MYO3A: variants seen among roughly 807,000 people sequenced by gnomAD.
The protein encoded by MYO3A is myosin IIIA.
In MYO3A, 180 loss-of-function variants were observed where a neutral mutation model predicts 192.7. The observed-to-expected ratio is 0.93, with a 90% CI of 0.83 to 1.06. MYO3A has a LOEUF of 1.06. Among genes scored for constraint, MYO3A ranks in the 50% least tolerant of loss-of-function variants. The probability of loss-of-function intolerance (pLI) is 0.00; values close to 1 mark genes in which losing one functional copy is unlikely to be tolerated. For synonymous variants in MYO3A, 628 were observed against 645.3 expected, an observed-to-expected ratio of 0.97 and a Z score of 0.41; for missense variants, 1,896 against 1,905.0, an observed-to-expected ratio of 1.00 and a Z score of 0.09.
chr10:25,993,861 C>A (rs1840232808), intron 4 of MYO3A, among the ~76,000 whole-genome samples: 1 of 152,166 alleles, frequency 6.6e-6, no homozygotes, highest in African/African-American at 2.4e-5. Flanking sequence ...AGTATGGTTG[C>A]ACTGTGGTCT....
At chr10:26,000,002 T>C (rs1436010234) in intron 6 of MYO3A, among the ~76,000 whole-genome samples, 4 of 152,190 alleles carry the variant, frequency 2.6e-5, no homozygotes, top group Non-Finnish European at 5.9e-5. Flanking sequence ...CTGAACTCCC[T>C]GCATCCTAAT....
At chr10:26,162,186 T>A (rs554010186) in intron 26 of MYO3A, among the ~76,000 whole-genome samples, 13 of 152,292 alleles carry the variant, frequency 8.5e-5, no homozygotes, top group African/African-American at 2.9e-4. Context: ...GCTCAAGTAT[T>A]TTTCAAATTA....
chr10:26,041,229 G>A (rs1017860376), intron 10 of MYO3A, among the ~76,000 whole-genome samples: 9 of 151,490 alleles, frequency 5.9e-5, no homozygotes, highest in African/African-American at 1.5e-4. Context: ...TTTTGGTTCC[G>A]GTTGGCATAG....
At chr10:26,147,332 G>A in intron 22 of MYO3A, 98 bp from the exon 23 acceptor site, 1 of 1,259,526 alleles carries the variant, frequency 7.9e-7, no homozygotes, top group East Asian at 2.3e-5. Flanking sequence ...CATAGAGTAA[G>A]CTCATAATGA....
intron 31 of MYO3A, among the ~76,000 whole-genome samples, chr10:26,182,867 G>A (rs933030355): frequency 6.6e-6 from 1 of 152,144 alleles, no homozygotes; most frequent in African/African-American, 2.4e-5. Context: ...CTCACTCTCA[G>A]GGCACCCTTG....
chr10:26,118,228 C>T (rs1380605229), intron 17 of MYO3A, among the ~76,000 whole-genome samples: 1 of 151,828 alleles, frequency 6.6e-6, no homozygotes, highest in African/African-American at 2.4e-5. Context: ...AAGAAAAATA[C>T]AGCACAATGT....
intron 4 of MYO3A, among the ~76,000 whole-genome samples, chr10:25,988,939 CTTTTTTTTTTT>C (rs56308717): frequency 1.7e-5 from 2 of 117,016 alleles, no homozygotes; most frequent in African/African-American, 6.2e-5. Context: ...CCCTAAAACT[CTTTTTTTTTTT>C]TTTTTTTTTT....
At chr10:26,146,916 C>T (rs1466182414) in intron 22 of MYO3A, among the ~76,000 whole-genome samples, 4 of 152,114 alleles carry the variant, frequency 2.6e-5, no homozygotes, top group African/African-American at 4.8e-5. Context: ...AGTTCAAGAC[C>T]ACCCTGGGTA....
At chr10:26,081,492 C>A (rs1835956094) in intron 14 of MYO3A, among the ~76,000 whole-genome samples, 1 of 152,172 alleles carries the variant, frequency 6.6e-6, no homozygotes, top group South Asian at 2.1e-4. Flanking sequence ...CTATCCTCCT[C>A]CCAGCTGCAA....
intron 24 of MYO3A, 55 bp from the exon 25 acceptor site, chr10:26,154,691 A>T: frequency 6.6e-7 from 1 of 1,507,210 alleles, no homozygotes; most frequent in Non-Finnish European, 9.2e-7. Flanking sequence ...TGCTGTCTGT[A>T]GATAATAAAG....
chr10:25,962,971 A>G (rs1207117723), intron 4 of MYO3A, among the ~76,000 whole-genome samples: 1 of 152,148 alleles, frequency 6.6e-6, no homozygotes, highest in Non-Finnish European at 1.5e-5. Flanking sequence ...CTTCAGCCAT[A>G]ATGAATCCAA....
chr10:26,079,200 A>C (rs1835773448), intron 14 of MYO3A, among the ~76,000 whole-genome samples: 1 of 152,112 alleles, frequency 6.6e-6, no homozygotes, highest in Non-Finnish European at 1.5e-5. Context: ...CTCCAGTGTT[A>C]GGTGCACATA....
intron 18 of MYO3A, among the ~76,000 whole-genome samples, chr10:26,121,174 A>G (rs1445240605): frequency 2.6e-5 from 4 of 151,190 alleles, no homozygotes; most frequent in Non-Finnish European, 5.9e-5. Flanking sequence ...AAAGACCTGT[A>G]TGTTTCCATA....
At chr10:26,205,495 T>G (rs1843878549) in intron 34 of MYO3A, among the ~76,000 whole-genome samples, 1 of 147,658 alleles carries the variant, frequency 6.8e-6, no homozygotes, top group East Asian at 2.0e-4. Flanking sequence ...GGGGCTTCCA[T>G]GTATAAGTGA....
At chr10:26,049,669 CTTTCTTTTT>C (rs576617774) in intron 10 of MYO3A, among the ~76,000 whole-genome samples, 1,123 of 75,112 alleles carry the variant, frequency 0.015, 6 homozygotes, top group African/African-American at 0.044. Context: ...TTCTTTCTTT[CTTTCTTTTT>C]TTTTTTTTTT....
rs778090228 is a variant in MYO3A at position 25,950,096 on chromosome 10, G to A, written c.-17-1998G>A. Among the ~76,000 whole-genome samples the A allele has an allele frequency of 8.1e-4, 123 of 152,216 alleles. 2 individuals are homozygous for A. The highest frequency in any genetic ancestry group is 6.8e-3 in the Middle Eastern group (2 of 294). ...AAAGAATAACAGGATAAGTGGAGAA[G>A]GCTAACTTCATAAAGGTTGGTCAGG... On this transcript the variant is annotated intron_variant, in intron 2 of 34. Coordinates refer to ENST00000642920, the MANE Select transcript of MYO3A (RefSeq NM_017433.5).
At chr10:26,046,400 G>T (rs1467063095) in intron 10 of MYO3A, among the ~76,000 whole-genome samples, 1 of 152,192 alleles carries the variant, frequency 6.6e-6, no homozygotes, top group Admixed American at 6.5e-5. Flanking sequence ...ATTGTGGTGT[G>T]AGAGCAGAGG....
chr10:25,986,229 A>G (rs1165483479), intron 4 of MYO3A, among the ~76,000 whole-genome samples: 1 of 152,206 alleles, frequency 6.6e-6, no homozygotes, highest in Non-Finnish European at 1.5e-5. Context: ...ACCATCTACA[A>G]CAAACCCACA....
At position 26,096,677 on chromosome 10, in the gene MYO3A, A is replaced by G. The variant is rs1174930788; in HGVS notation, c.1771A>G (p.Met591Val). 4 of 1,560,560 alleles carry G rather than the reference A, an allele frequency of 2.6e-6. No individual in the cohort carries two copies. The Admixed American group carries it at 5.0e-5, about 20-fold the overall frequency. Residue 591 changes from methionine to valine, a missense_variant, in exon 17 of 35, where the codon ATG becomes GTG. Coordinates refer to ENST00000642920, the MANE Select transcript of MYO3A (RefSeq NM_017433.5). ...ATGTTTCAAAGTCATAGGTTTTACA[A>G]TGGAGGTAAGTATGAAAGACACTTG... is the stretch of plus-strand genomic sequence containing the variant. Reference protein sequence around the residue: ...EQCFKVIGFTMEQLGSIYSIL... With the variant: ...EQCFKVIGFTVEQLGSIYSIL...
Sources: gnomAD v4.1 joint callset for allele counts (sites outside exome capture counted in the v4.1 genomes callset) on GRCh38, gnomAD v4.1.1 for gene constraint, MANE v1.5 for transcripts, NCBI Gene and HGNC (gene_info 2026-07-23, HGNC 2026-07-21) for gene names.